PLEKHH2: variants seen among roughly 807,000 people sequenced by gnomAD.
PLEKHH2 encodes pleckstrin homology, MyTH4 and FERM domain containing H2, also known as pleckstrin homology domain-containing family H member 2.
In PLEKHH2, 129 loss-of-function variants were observed where a neutral mutation model predicts 187.9. The ratio of observed to expected loss-of-function variants is 0.69; its 90% CI spans 0.59 to 0.79. PLEKHH2 has a LOEUF of 0.79. Among genes scored for constraint, PLEKHH2 ranks in the 30% least tolerant of loss-of-function variants. The probability of loss-of-function intolerance (pLI) is 0.00; values close to 1 mark genes in which losing one functional copy is unlikely to be tolerated. For synonymous variants in PLEKHH2, 686 were observed against 605.6 expected (o/e 1.13, Z -1.95); for missense variants, 2,076 against 1,751.2 (o/e 1.19, Z -3.31).
intron 16 of PLEKHH2, 41 bp from the exon 17 acceptor site, chr2:43,726,231 T>G: frequency 7.1e-7 from 1 of 1,410,654 alleles, no homozygotes; most frequent in Non-Finnish European, 9.8e-7. Flanking sequence ...AGGAAAAGAT[T>G]TAGAAAATGC....
At chr2:43,737,052 A>T (rs1671329837) in intron 19 of PLEKHH2, among the ~76,000 whole-genome samples, 1 of 152,176 alleles carries the variant, frequency 6.6e-6, no homozygotes, top group Non-Finnish European at 1.5e-5. Flanking sequence ...GATACATTGG[A>T]CATCAAATAG....
At chr2:43,682,065 C>G (rs114764816) in intron 3 of PLEKHH2, among the ~76,000 whole-genome samples, 1,735 of 152,200 alleles carry the variant, frequency 0.011, 29 homozygotes, top group African/African-American at 0.039. Context: ...TCCCCTGCCC[C>G]CCTCACACTG....
chr2:43,692,625 G>T lies in PLEKHH2; in HGVS notation c.298G>T (p.Asp100Tyr). The T allele has an allele frequency of 1.9e-6, 3 of 1,612,780 alleles. No homozygotes were observed. Among genetic ancestry groups the T allele is most frequent in the Non-Finnish European group, 2.5e-6 (3 of 1,179,218 alleles). ...GGAGTCGCTAATACAGGAAAAAGAT[G>T]ACGTCATTCAAAACTTGGAATTGCA... ...DLESLIQEKD[D>Y]VIQNLELQLE... The change falls in exon 4 of 30, where the codon GAC becomes TAC. Residue 100 changes from aspartate to tyrosine, a missense_variant. Asp to Tyr is a radical substitution (Grantham distance 160). Transcript: ENST00000282406.
At chr2:43,708,200 C>T (rs1228783844) in intron 11 of PLEKHH2, among the ~76,000 whole-genome samples, 2 of 152,210 alleles carry the variant, frequency 1.3e-5, no homozygotes, top group African/African-American at 2.4e-5. Context: ...GGTCTTCTTG[C>T]TCTCAACTTG....
At chr2:43,757,991 C>A (rs1397422839) in intron 26 of PLEKHH2, among the ~76,000 whole-genome samples, 1 of 152,076 alleles carries the variant, frequency 6.6e-6, no homozygotes, top group East Asian at 1.9e-4. Flanking sequence ...ATAAAAGTTT[C>A]TAATTTACCT....
intron 4 of PLEKHH2, 48 bp from the exon 5 acceptor site, chr2:43,694,383 A>G: frequency 2.0e-6 from 3 of 1,507,420 alleles, no homozygotes; most frequent in Non-Finnish European, 2.7e-6. Context: ...ACATTTCCAG[A>G]CCATTGAGTT....
At chr2:43,731,437 GC>G in intron 18 of PLEKHH2, 52 bp from the exon 19 acceptor site, 1 of 1,167,980 alleles carries the variant, frequency 8.6e-7, no homozygotes, top group South Asian at 1.3e-5. Flanking sequence ...TTAATAAGAG[GC>G]CACAATAAGT....
chr2:43,678,582 C>T (rs893598593), intron 2 of PLEKHH2, among the ~76,000 whole-genome samples: 3 of 152,138 alleles, frequency 2.0e-5, no homozygotes, highest in Admixed American at 1.3e-4. Flanking sequence ...TGGCGGCGCG[C>T]GCCTGCAATC....
At chr2:43,650,127 A>G (rs574537894) in intron 2 of PLEKHH2, among the ~76,000 whole-genome samples, 1 of 142,458 alleles carries the variant, frequency 7.0e-6, no homozygotes, top group Non-Finnish European at 1.5e-5. Flanking sequence ...AGATCATTTC[A>G]GGTTTGTTTT....
chr2:43,691,720 T>A (rs967204477), intron 3 of PLEKHH2, among the ~76,000 whole-genome samples: 4 of 152,234 alleles, frequency 2.6e-5, no homozygotes, highest in Non-Finnish European at 4.4e-5. Flanking sequence ...GTGATCTCTC[T>A]TACCCATTAG....
chr2:43,721,100 T>A (rs561604213), intron 16 of PLEKHH2, among the ~76,000 whole-genome samples: 1 of 152,222 alleles, frequency 6.6e-6, no homozygotes, highest in South Asian at 2.1e-4. Context: ...AAAGAAAACC[T>A]AAAAAGGAAA....
At chr2:43,663,958 G>T (rs1324377868) in intron 2 of PLEKHH2, among the ~76,000 whole-genome samples, 1 of 119,582 alleles carries the variant, frequency 8.4e-6, no homozygotes, top group Admixed American at 8.2e-5. Flanking sequence ...TGTTGATTTG[G>T]GGTGGAGAGT....
At chr2:43,744,884 A>AAAAAG (rs1558608494) in intron 23 of PLEKHH2, among the ~76,000 whole-genome samples, 1 of 149,378 alleles carries the variant, frequency 6.7e-6, no homozygotes, top group African/African-American at 2.5e-5. Context: ...AAAAAAAAAA[A>AAAAAG]AAAGAAAAAG....
chr2:43,740,747 T>G, intron 20 of PLEKHH2, 199 bp from the exon 21 acceptor site: 3 of 975,440 alleles, frequency 3.1e-6, no homozygotes, highest in Non-Finnish European at 4.0e-6. Flanking sequence ...TACACACAAC[T>G]AGATGGATCA....
At chr2:43,708,119 A>T (rs1669752513) in intron 11 of PLEKHH2, among the ~76,000 whole-genome samples, 1 of 152,096 alleles carries the variant, frequency 6.6e-6, no homozygotes, top group Admixed American at 6.5e-5. Context: ...GAACCTCTGG[A>T]TACTTCCAAT....
At chr2:43,638,093 CG>C (rs1703198739) in intron 1 of PLEKHH2, among the ~76,000 whole-genome samples, 1 of 152,160 alleles carries the variant, frequency 6.6e-6, no homozygotes. Context: ...GCCCGCACAG[CG>C]GTGTGTCCCA....
chr2:43,712,699 G>GT (rs1558543732), intron 15 of PLEKHH2, among the ~76,000 whole-genome samples: 1 of 152,058 alleles, frequency 6.6e-6, no homozygotes, highest in African/African-American at 2.4e-5. Flanking sequence ...TATTTAACAC[G>GT]TTTTTTTCTA....
chr2:43,703,533 A>G (rs1315653187), intron 8 of PLEKHH2, among the ~76,000 whole-genome samples: 1 of 152,192 alleles, frequency 6.6e-6, no homozygotes, highest in Non-Finnish European at 1.5e-5. Flanking sequence ...ATGTTCCAGA[A>G]TAGTAGAATA....
intron 15 of PLEKHH2, among the ~76,000 whole-genome samples, chr2:43,720,384 A>G (rs534526996): frequency 6.6e-6 from 1 of 152,010 alleles, no homozygotes; most frequent in South Asian, 2.1e-4. Context: ...TACAGATCCC[A>G]TCACCCAGGT....
Sources: gnomAD v4.1 joint callset for allele counts (sites outside exome capture counted in the v4.1 genomes callset) on GRCh38, gnomAD v4.1.1 for gene constraint, MANE v1.5 for transcripts, NCBI Gene and HGNC (gene_info 2026-07-23, HGNC 2026-07-21) for gene names.